FUZ: variants seen among roughly 807,000 people sequenced by gnomAD.
FUZ encodes fuzzy planar cell polarity protein.
A neutral mutation model predicts 43.1 loss-of-function variants in FUZ; 31 were observed. The observed-to-expected ratio is 0.72, with a 90% CI of 0.54 to 0.97. FUZ has a LOEUF of 0.97. Ranked by LOEUF, FUZ falls within the 50% of genes least tolerant of loss-of-function variation. FUZ has a pLI of 0.00. For synonymous variants in FUZ, 274 were observed against 250.0 expected (o/e 1.10, Z -0.91); for missense variants, 539 against 543.8 (o/e 0.99, Z 0.09).
chr19:49,807,907 C>T (rs545330684), intron 10 of FUZ, among the ~76,000 whole-genome samples: 4 of 152,274 alleles, frequency 2.6e-5, no homozygotes, highest in African/African-American at 7.2e-5. Flanking sequence ...ACAATTTTTC[C>T]GTTCTAACCC....
At position 49,808,505 on chromosome 19, in the gene FUZ, G is replaced by T. The variant is rs753839652; in HGVS notation, c.959-17C>A. 1.3e-5 allele frequency: 21 copies of T among 1,608,606 alleles called. No individual in the cohort carries two copies. Among genetic ancestry groups the T allele is most frequent in the African/African-American group, 2.7e-5 (2 of 74,848 alleles). On this transcript the variant is annotated splice_polypyrimidine_tract_variant and intron_variant, in intron 9 of 10. Coordinates refer to ENST00000313777, the MANE Select transcript of FUZ (RefSeq NM_025129.5). ...GTGAAGGCTCTGCTGGGAGGAAAAGGCGGTGATGCAGAGCGCCTCCCCGGC... is the reference window on the plus strand; with the variant it reads ...GTGAAGGCTCTGCTGGGAGGAAAAGTCGGTGATGCAGAGCGCCTCCCCGGC...
chr19:49,807,601 T>C (rs2073458931), intron 10 of FUZ, among the ~76,000 whole-genome samples: 1 of 152,144 alleles, frequency 6.6e-6, no homozygotes, highest in African/African-American at 2.4e-5. Context: ...TGGCCCCCAT[T>C]TTCCTGGAGA....
At chr19:49,812,515 AT>A (rs770640660) in intron 2 of FUZ, 99 bp downstream of exon 2, 2 of 1,553,710 alleles carry the variant, frequency 1.3e-6, no homozygotes, top group South Asian at 2.2e-5. Context: ...CCATAGCCAA[AT>A]TAACAGCTGC....
In FUZ at chr19:49,811,411, CA is replaced by C; in HGVS notation, c.443del (p.Leu148ArgfsTer8). The C allele has an allele frequency of 6.2e-7, 1 of 1,613,632 alleles. No homozygotes were observed. The highest frequency in any genetic ancestry group is 1.1e-5 in the South Asian group (1 of 91,028). On this transcript the variant is annotated frameshift_variant, in exon 5 of 11. Coordinates refer to ENST00000313777, the MANE Select transcript of FUZ (RefSeq NM_025129.5). LOFTEE classifies it high-confidence loss of function. ...GAATCACGCAGTCCACACACTGGGT[CA>C]GGTCCCCGATGAGCTCCGAGTCCCC... is the stretch of plus-strand genomic sequence containing the variant. ...FLGDSELIGD[L>X]TQCVDCVIPP...
chr19:49,810,369 TA>T lies in FUZ; in HGVS notation c.493-795del, dbSNP rs909855995. On this transcript the variant is annotated intron_variant, in intron 5 of 10. Transcript: ENST00000313777. ...CCATCCCCAACCCTAGTCCATCTCTTAAAAAAAAAAATAGCTGAATGTCAGC... is the reference window on the plus strand; with the variant it reads ...CCATCCCCAACCCTAGTCCATCTCTTAAAAAAAAAATAGCTGAATGTCAGC... Among the ~76,000 whole-genome samples the T allele has an allele frequency of 5.4e-4, 78 of 145,772 alleles. 1 individual carries two copies. Among genetic ancestry groups the T allele is most frequent in the East Asian group, 1.4e-3 (7 of 5,012 alleles).
At chr19:49,813,308 A>C, upstream of FUZ, 1 of 671,774 alleles carries the variant, frequency 1.5e-6, no homozygotes. Flanking sequence ...CCCCAAACCC[A>C]TTAGGTTCTC....
In FUZ at chr19:49,807,025, T is replaced by TTTTTGGCCCCCCCCCCCCCCCCCCCC; in HGVS notation, c.*125_*126insGGGGGGGGGGGGGGGGGGGGCCAAAA. 1 of 630,714 alleles carries TTTTTGGCCCCCCCCCCCCCCCCCCCC rather than the reference T, an allele frequency of 1.6e-6. No homozygotes were observed. Among genetic ancestry groups the TTTTTGGCCCCCCCCCCCCCCCCCCCC allele is most frequent in the Non-Finnish European group, 2.2e-6 (1 of 451,554 alleles). 39.1% of individuals were successfully genotyped at this position (630,714 alleles called of 1,614,324 possible). A position where few individuals can be genotyped will look rare whatever the true frequency, so the allele number is the denominator to read the frequency against. On this transcript the variant is annotated 3_prime_UTR_variant, in exon 11 of 11. Coordinates refer to ENST00000313777, the MANE Select transcript of FUZ (RefSeq NM_025129.5). The stretch of plus-strand genomic sequence containing the variant: ...CCAGGGAAGTGGATGTCTCCTCCCC[T>TTTTTGGCCCCCCCCCCCCCCCCCCCC]CCCACCCCACCCTGTTGTAGCCCCT...
At chr19:49,813,512 T>G, upstream of FUZ, 10 of 336,270 alleles carry the variant, frequency 3.0e-5, no homozygotes, top group East Asian at 7.8e-5. Flanking sequence ...AAAACAGCTG[T>G]GCCCGGATCA....
rs1249444556 is a variant in FUZ, at chr19:49,807,504, G to C, written c.1034-130C>G. The C allele has an allele frequency of 5.6e-6, 5 of 893,132 alleles. No homozygotes were observed. The African/African-American group carries it at 6.6e-5, about 12-fold the overall frequency. 55.3% of individuals were successfully genotyped at this position (893,132 alleles called of 1,614,324 possible). On this transcript the variant is annotated intron_variant, in intron 10 of 10. Transcript: ENST00000313777. ...CAGGTTTTGGGAGCCTCCTGCCAGG[G>C]GAGGGCCTCGGGGCTCTAGCTGGCT...
At position 49,813,187 on chromosome 19, in the gene FUZ, C is replaced by G; in HGVS notation, c.-81G>C. On this transcript the variant is annotated 5_prime_UTR_variant, in exon 1 of 11. Transcript: ENST00000313777. ...ATGGCGGTAATCAGAGTAACTCGGC[C>G]TGTGGTCCGGAGCCGCCAGAGGGCG... 7.7e-7 allele frequency: 1 copy of G among 1,305,490 alleles called. No individual in the cohort carries two copies. Among genetic ancestry groups the G allele is most frequent in the Non-Finnish European group, 1.1e-6 (1 of 924,148 alleles). The allele number at this position is 1,305,490 out of a possible 1,614,324, so 80.9% of individuals were successfully genotyped here.
At position 49,809,213 on chromosome 19, in the gene FUZ, G is replaced by A; in HGVS notation, c.736C>T (p.Leu246=). 1 of 1,551,384 alleles carries A rather than the reference G, an allele frequency of 6.4e-7. No homozygotes were observed. The highest frequency in any genetic ancestry group is 8.7e-7 in the Non-Finnish European group (1 of 1,147,072). The part of the protein sequence containing the change: ...LTLTLLPSLE[L]CLLCGPSPPL... Reference sequence around the variant, plus strand: ...GGGCTCGGCCCGCAGAGTAGACACAGCTCCAGGCTCGGCAGCAGAGTCAGG... The same window carrying A: ...GGGCTCGGCCCGCAGAGTAGACACAACTCCAGGCTCGGCAGCAGAGTCAGG... The change falls in exon 7 of 11, where the codon CTG becomes TTG. Residue 246 remains leucine, a synonymous_variant. Transcript: ENST00000313777. The surrounding 1 kb of genome is among the most constrained non-coding windows in gnomAD (Gnocchi z 5.1).
chr19:49,812,933 TGAAGACC>T (rs1187175645), intron 1 of FUZ, 56 bp downstream of exon 1: 1 of 1,450,352 alleles, frequency 6.9e-7, no homozygotes, highest in Admixed American at 2.0e-5. Flanking sequence ...CCTACTGCCT[TGAAGACC>T]CAGAGTCAAA....
chr19:49,811,202 A>AAAAAAAAAAAG, intron 5 of FUZ, 161 bp downstream of exon 5: 2 of 89,484 alleles, frequency 2.2e-5, no homozygotes, highest in Non-Finnish European at 4.0e-5. Flanking sequence ...GAAAGAAAAG[A>AAAAAAAAAAAG]AAAAAAAAAA....
rs1481512567 is a variant in FUZ at position 49,811,401 on chromosome 19, C to T, written c.454G>A (p.Val152Met). Residue 152 changes from valine to methionine, a missense_variant, in exon 5 of 11, where the codon GTG (valine) becomes ATG (methionine). By Grantham distance (21) the Val-to-Met change is conservative. Coordinates refer to ENST00000313777, the MANE Select transcript of FUZ (RefSeq NM_025129.5). ...SELIGDLTQC[V>M]DCVIPPEGSL... is the part of the protein sequence containing the mutation. ...CCCTCTGGAGGAATCACGCAGTCCA[C>T]ACACTGGGTCAGGTCCCCGATGAGC... 6.2e-7 allele frequency: 1 copy of T among 1,613,348 alleles called. No homozygotes were observed. Among genetic ancestry groups the T allele is most frequent in the Admixed American group, 1.7e-5 (1 of 59,812 alleles).
At position 49,809,613 on chromosome 19, in the gene FUZ, C is replaced by A. The variant is rs1284835699; in HGVS notation, c.493-38G>T. The A allele has an allele frequency of 6.4e-7, 1 of 1,552,898 alleles. No individual in the cohort carries two copies. The highest frequency in any genetic ancestry group is 1.4e-5 in the African/African-American group (1 of 74,024). Reference sequence around the variant, plus strand: ...GGCAGGAGGACTGGGAGTCAGCAGACAAGCGTAGGGGGTGGCAGCGACTTC... The same window carrying A: ...GGCAGGAGGACTGGGAGTCAGCAGAAAAGCGTAGGGGGTGGCAGCGACTTC... On this transcript the variant is annotated intron_variant, in intron 5 of 10. Transcript: ENST00000313777. The surrounding 1 kb of genome is among the most constrained non-coding windows in gnomAD (Gnocchi z 5.1).
chr19:49,811,728 C>T (rs200402733), intron 3 of FUZ, 29 bp from the exon 4 acceptor site: 615 of 1,582,082 alleles, frequency 3.9e-4, no homozygotes, highest in East Asian at 2.5e-3. Flanking sequence ...AGAGGATGGG[C>T]GAGGGGCTGG....
chr19:49,811,963 C>T (rs948146363), intron 3 of FUZ, among the ~76,000 whole-genome samples: 5 of 152,168 alleles, frequency 3.3e-5, no homozygotes, highest in Admixed American at 6.5e-5. Flanking sequence ...CAAAAATTAG[C>T]TGGGCATGGT....
Position 49,806,897 on chromosome 19 carries a change from T to C in FUZ, c.*254A>G, listed in dbSNP as rs748317621. 9 of 1,540,954 alleles carry C rather than the reference T, an allele frequency of 5.8e-6. No homozygotes were observed. The Admixed American group carries it at 1.6e-4, about 27-fold the overall frequency. On this transcript the variant is annotated 3_prime_UTR_variant, in exon 11 of 11. Coordinates refer to ENST00000313777, the MANE Select transcript of FUZ (RefSeq NM_025129.5). ...GGATGCCTGGGACTTTCCTCCGGCC[T>C]TTTGTATTTTTATTTTTGTTCATCT...
chr19:49,807,081 T>C lies in FUZ; in HGVS notation c.*70A>G, dbSNP rs2073421290. On this transcript the variant is annotated 3_prime_UTR_variant, in exon 11 of 11. Coordinates refer to ENST00000313777, the MANE Select transcript of FUZ (RefSeq NM_025129.5). The stretch of plus-strand genomic sequence containing the variant: ...CCCCTCCCCATCCAGGGGCTGTGTA[T>C]TATTGTGAGCGAATAAACAGAGAGA... The C allele has an allele frequency of 4.4e-6, 7 of 1,576,430 alleles. No homozygotes were observed. Among genetic ancestry groups the C allele is most frequent in the Non-Finnish European group, 5.2e-6 (6 of 1,162,158 alleles).
Sources: gnomAD v4.1 joint callset for allele counts (sites outside exome capture counted in the v4.1 genomes callset) on GRCh38, gnomAD v4.1.1 for gene constraint, Gnocchi (gnomAD v3.1) non-coding constraint, MANE v1.5 for transcripts, NCBI Gene and HGNC (gene_info 2026-07-23, HGNC 2026-07-21) for gene names.